Variants in ZNF454 observed in about 807,000 individuals in gnomAD.
ZNF454 encodes zinc finger protein 454.
A neutral mutation model predicts 48.2 loss-of-function variants in ZNF454; 30 were observed. The observed-to-expected ratio is 0.62, with a 90% confidence interval of 0.47 to 0.84. The LOEUF (loss-of-function observed/expected upper bound fraction) is 0.84, where lower values mean the gene tolerates loss of function less well. ZNF454 is among the 40% of genes least tolerant of loss of function. ZNF454 has a pLI of 0.00. For missense variants in ZNF454, 510 were observed against 623.1 expected, an observed-to-expected ratio of 0.82 and a Z score of 1.93; for synonymous variants, 204 against 211.4, an observed-to-expected ratio of 0.97 and a Z score of 0.30.
downstream of ZNF454, chr5:178,968,913 G>A (rs1286715313): frequency 2.2e-6 from 1 of 456,096 alleles, no homozygotes; most frequent in Non-Finnish European, 4.4e-6. Context: ...GCGGCATTAA[G>A]TGCAGGCTGA....
the ZNF454 span, chr5:178,982,688 A>G: frequency 2.5e-6 from 1 of 402,014 alleles, no homozygotes; most frequent in East Asian, 3.7e-5. Flanking sequence ...AGAAATGAAA[A>G]TGATAAAAAA....
At chr5:178,986,624 C>T in the ZNF454 span, 1 of 1,603,114 alleles carries the variant, frequency 6.2e-7, no homozygotes, top group African/African-American at 1.3e-5. Flanking sequence ...CGGTACCCGT[C>T]ACAGGCCTCG....
chr5:178,957,324 A>G (rs2113244827), intron 4 of ZNF454, among the ~76,000 whole-genome samples: 1 of 152,152 alleles, frequency 6.6e-6, no homozygotes, highest in South Asian at 2.1e-4. Context: ...AACATTATAT[A>G]GGAGGCTTGG....
At chr5:178,961,082 C>CA (rs527242036) in intron 4 of ZNF454, among the ~76,000 whole-genome samples, 9 of 151,382 alleles carry the variant, frequency 5.9e-5, no homozygotes, top group Non-Finnish European at 1.2e-4. Flanking sequence ...AGGTGCGTGC[C>CA]ACTGCACCCG....
intron 4 of ZNF454, among the ~76,000 whole-genome samples, chr5:178,956,241 G>A (rs979706382): frequency 5.3e-5 from 8 of 152,034 alleles, no homozygotes; most frequent in African/African-American, 1.9e-4. Flanking sequence ...TACATTTAAA[G>A]ATAATGATTT....
chr5:178,975,450 G>A, the ZNF454 span, among the ~76,000 whole-genome samples: 1 of 152,198 alleles, frequency 6.6e-6, no homozygotes, highest in Non-Finnish European at 1.5e-5. Flanking sequence ...ATTAAGATGT[G>A]TTGTTTCAAT....
chr5:178,989,034 G>A, the ZNF454 span: 2 of 1,613,990 alleles, frequency 1.2e-6, no homozygotes, highest in African/African-American at 1.3e-5. Context: ...AGCGCCTGGT[G>A]CATGCTGTGG....
rs1408761769 is a variant in ZNF454, at chr5:178,965,118, C to T, written c.714C>T (p.His238=). 1.2e-6 allele frequency: 2 copies of T among 1,614,066 alleles called. No individual in the cohort carries two copies. The highest frequency in any genetic ancestry group is 1.3e-5 in the African/African-American group (1 of 74,922). ...ACCTTATCCATCACCAAAGAATTCA[C>T]ACTGGCGAGAAACCCTATGAATGTA... is the stretch of plus-strand genomic sequence containing the variant. ...STHLIHHQRI[H]TGEKPYECKE... The change falls in exon 5 of 5, where the codon CAC becomes CAT. Residue 238 remains histidine, a synonymous_variant. Transcript: ENST00000519564. The surrounding 1 kb of genome is among the most constrained non-coding windows in gnomAD (Gnocchi z 5.2).
At chr5:178,990,025 G>A in the ZNF454 span, 4,959 of 199,118 alleles carry the variant, frequency 0.025, 294 homozygotes, top group African/African-American at 0.11. Context: ...AAGGCGTGAT[G>A]GTATATATCC....
the ZNF454 span, among the ~76,000 whole-genome samples, chr5:178,982,222 CT>C: frequency 1.3e-5 from 2 of 152,332 alleles, no homozygotes; most frequent in Admixed American, 6.5e-5. Context: ...ATAAAATATT[CT>C]GCCGCATACG....
downstream of ZNF454, among the ~76,000 whole-genome samples, chr5:178,970,998 G>A (rs1046129937): frequency 5.9e-5 from 9 of 152,220 alleles, no homozygotes; most frequent in African/African-American, 2.2e-4. Flanking sequence ...ACCGGGGCCA[G>A]CAGTTCACAT....
At chr5:178,988,982 G>C in the ZNF454 span, 2 of 1,614,054 alleles carry the variant, frequency 1.2e-6, no homozygotes, top group Non-Finnish European at 1.7e-6. The surrounding 1 kb of genome is among the most constrained non-coding windows in gnomAD (Gnocchi z 6.0). Context: ...CCGCCCATCA[G>C]TGGGTTCCAT....
chr5:178,951,208 C>T (rs1209229656), intron 4 of ZNF454, among the ~76,000 whole-genome samples: 2 of 152,144 alleles, frequency 1.3e-5, no homozygotes, highest in Non-Finnish European at 2.9e-5. Flanking sequence ...TCTACACACA[C>T]CATTATCATT....
intron 4 of ZNF454, among the ~76,000 whole-genome samples, chr5:178,956,519 GAAAA>G (rs397955241): frequency 8.9e-6 from 1 of 112,378 alleles, no homozygotes. Context: ...CTCCTGAAAA[GAAAA>G]AAAAAAAAAA....
chr5:178,946,550 C>G lies in ZNF454; in HGVS notation c.160+65C>G, dbSNP rs1311361179. On this transcript the variant is annotated intron_variant, in intron 3 of 4. Coordinates refer to ENST00000519564, the MANE Select transcript of ZNF454 (RefSeq NM_001178089.3). The surrounding 1 kb of genome is among the most constrained non-coding windows in gnomAD (Gnocchi z 4.5). ...GATCTCTTTGGGACCCTTACATTGA[C>G]ACCATATAGAAGAGTCGGTTGGACC... The G allele has an allele frequency of 2.6e-6, 4 of 1,536,048 alleles. No individual in the cohort carries two copies. The highest frequency in any genetic ancestry group is 2.6e-6 in the Non-Finnish European group (3 of 1,145,504).
At chr5:178,956,674 A>ATTTTATTTATTT (rs1561702161) in intron 4 of ZNF454, among the ~76,000 whole-genome samples, 3 of 33,882 alleles carry the variant, frequency 8.9e-5, no homozygotes, top group East Asian at 5.8e-4. Context: ...TATTTTATTT[A>ATTTTATTTATTT]ATTTATTTAT....
At chr5:178,942,655 A>G (rs1179158424) in intron 1 of ZNF454, 30 bp from the exon 2 acceptor site, 1 of 919,088 alleles carries the variant, frequency 1.1e-6, no homozygotes, top group South Asian at 1.5e-5. Context: ...CTGCTGTATG[A>G]GAGCTTTTGA....
At chr5:178,986,172 G>A in the ZNF454 span, 3 of 1,613,836 alleles carry the variant, frequency 1.9e-6, no homozygotes, top group African/African-American at 4.0e-5. Context: ...GCTGTGAGGT[G>A]GGGCTGATGA....
the ZNF454 span, among the ~76,000 whole-genome samples, chr5:178,977,057 C>A: frequency 6.6e-6 from 1 of 151,978 alleles, no homozygotes; most frequent in Admixed American, 6.6e-5. Flanking sequence ...TGGCTGGGAC[C>A]CTAGCAATGG....
Sources: gnomAD v4.1 joint callset for allele counts (sites outside exome capture counted in the v4.1 genomes callset) on GRCh38, gnomAD v4.1.1 for gene constraint, Gnocchi (gnomAD v3.1) non-coding constraint, MANE v1.5 for transcripts, NCBI Gene and HGNC (gene_info 2026-07-23, HGNC 2026-07-21) for gene names.